Variants in TBCK observed in about 807,000 individuals in gnomAD.
TBCK encodes the protein TBC1 domain containing kinase.
In TBCK, 99 loss-of-function variants were observed where a neutral mutation model predicts 113.4. The ratio of observed to expected loss-of-function variants is 0.87; its 90% CI spans 0.74 to 1.03. The LOEUF (loss-of-function observed/expected upper bound fraction) is 1.03. Ranked by LOEUF, TBCK falls within the 50% of genes least tolerant of loss-of-function variation. The probability of loss-of-function intolerance (pLI) is 0.00; values close to 1 mark genes in which losing one functional copy is unlikely to be tolerated. For synonymous variants in TBCK, 369 were observed against 370.8 expected, an observed-to-expected ratio of 1.00 and a Z score of 0.05; for missense variants, 1,045 against 1,061.3, an observed-to-expected ratio of 0.98 and a Z score of 0.21.
At chr4:106,158,349 C>T (rs116341760) in intron 23 of TBCK, among the ~76,000 whole-genome samples, 2,514 of 152,180 alleles carry the variant, frequency 0.017, 32 homozygotes, top group Middle Eastern at 0.088. Context: ...TCGAGACCAG[C>T]CTGGCCAACA....
intron 23 of TBCK, among the ~76,000 whole-genome samples, chr4:106,151,014 T>A (rs1338957174): frequency 6.6e-6 from 1 of 151,964 alleles, no homozygotes; most frequent in Non-Finnish European, 1.5e-5. Context: ...TTTTTATGTA[T>A]GTATGTTTGC....
intron 1 of TBCK, among the ~76,000 whole-genome samples, chr4:106,313,093 CAAAAT>C (rs1768369452): frequency 1.3e-5 from 2 of 152,064 alleles, no homozygotes; most frequent in Admixed American, 1.3e-4. Context: ...TTATCTCACA[CAAAAT>C]AAAACAGCTT....
At chr4:106,121,836 G>C (rs1744426205) in intron 23 of TBCK, among the ~76,000 whole-genome samples, 1 of 151,918 alleles carries the variant, frequency 6.6e-6, no homozygotes, top group African/African-American at 2.4e-5. Context: ...CGAGAACAAA[G>C]ACACAACATA....
chr4:106,101,739 G>A (rs1429526875), intron 24 of TBCK, among the ~76,000 whole-genome samples: 4 of 152,102 alleles, frequency 2.6e-5, no homozygotes, highest in Non-Finnish European at 4.4e-5. Flanking sequence ...AAGCAAATGA[G>A]TAACATTCCT....
At chr4:106,134,672 G>A (rs1746358169) in intron 23 of TBCK, among the ~76,000 whole-genome samples, 1 of 152,242 alleles carries the variant, frequency 6.6e-6, no homozygotes, top group South Asian at 2.1e-4. Flanking sequence ...CAAGGCAAAT[G>A]TGTAGTTCCC....
intron 23 of TBCK, among the ~76,000 whole-genome samples, chr4:106,129,039 T>C (rs971141644): frequency 6.6e-6 from 1 of 152,228 alleles, no homozygotes; most frequent in African/African-American, 2.4e-5. Context: ...ATTTTGTTCT[T>C]TATTATTTAG....
chr4:106,224,259 G>C (rs1758000546), intron 19 of TBCK, among the ~76,000 whole-genome samples: 1 of 150,960 alleles, frequency 6.6e-6, no homozygotes, highest in Admixed American at 6.6e-5. Flanking sequence ...ATATATTTTA[G>C]AAAAAACTTT....
At chr4:106,237,841 T>G (rs1759643935) in intron 12 of TBCK, among the ~76,000 whole-genome samples, 1 of 152,124 alleles carries the variant, frequency 6.6e-6, no homozygotes, top group Non-Finnish European at 1.5e-5. Context: ...ACATAAATCT[T>G]TTTAAAGATT....
In TBCK at chr4:106,044,279, C is replaced by T. The variant is rs1466393622; in HGVS notation, c.*2291G>A. On this transcript the variant is annotated 3_prime_UTR_variant, in exon 26 of 26. Transcript: ENST00000394708. ...CAATGGTGCATTCTGATTATGAACT[C>T]AGGTAAGTCATCAAAGACTGAAGGA... 2 of 152,108 alleles carry T rather than the reference C, an allele frequency of 1.3e-5. No homozygotes were observed. The highest frequency in any genetic ancestry group is 2.4e-5 in the African/African-American group (1 of 41,408). The allele number at this position is 152,108 out of a possible 1,614,324, so 9.4% of individuals were successfully genotyped here. A position where few individuals can be genotyped will look rare whatever the true frequency, so the allele number is the denominator to read the frequency against.
intron 19 of TBCK, among the ~76,000 whole-genome samples, chr4:106,214,310 C>T (rs1756575387): frequency 1.3e-5 from 2 of 152,190 alleles, no homozygotes; most frequent in South Asian, 2.1e-4. Flanking sequence ...AATCAGAGCG[C>T]CTCTCCTCCT....
intron 3 of TBCK, among the ~76,000 whole-genome samples, chr4:106,290,666 A>AC (rs71300770): frequency 2.6e-5 from 4 of 151,820 alleles, no homozygotes; most frequent in South Asian, 2.1e-4. Context: ...GGGGTTCCCA[A>AC]CCCCCCCACC....
intron 3 of TBCK, among the ~76,000 whole-genome samples, chr4:106,279,779 C>T (rs946891301): frequency 6.6e-6 from 1 of 152,072 alleles, no homozygotes; most frequent in African/African-American, 2.4e-5. Context: ...TTTCTTATGG[C>T]TGAATAGTAC....
intron 3 of TBCK, among the ~76,000 whole-genome samples, chr4:106,284,819 A>G (rs886265464): frequency 3.3e-5 from 5 of 152,264 alleles, no homozygotes; most frequent in Admixed American, 2.6e-4. Context: ...TGATAAAGGT[A>G]TATCTGTTTT....
chr4:106,151,447 A>T (rs1748476012), intron 23 of TBCK, among the ~76,000 whole-genome samples: 1 of 152,022 alleles, frequency 6.6e-6, no homozygotes, highest in African/African-American at 2.4e-5. Context: ...CCCACAAATA[A>T]GTGAGAACAC....
At chr4:106,080,459 T>G (rs939120194) in intron 25 of TBCK, among the ~76,000 whole-genome samples, 1 of 151,794 alleles carries the variant, frequency 6.6e-6, no homozygotes, top group Non-Finnish European at 1.5e-5. Context: ...TGCTGGGACA[T>G]TCTAGCCAAA....
chr4:106,087,276 C>G (rs1354241425), intron 25 of TBCK, among the ~76,000 whole-genome samples: 1 of 152,124 alleles, frequency 6.6e-6, no homozygotes, highest in Non-Finnish European at 1.5e-5. Context: ...ACAAGCATTC[C>G]TTTACACCAA....
intron 25 of TBCK, among the ~76,000 whole-genome samples, chr4:106,089,817 G>T (rs1463584419): frequency 6.6e-6 from 1 of 152,244 alleles, no homozygotes; most frequent in African/African-American, 2.4e-5. Context: ...GGTGTGAGAT[G>T]TAGGCTATGA....
chr4:106,312,778 T>G (rs1308032065), intron 1 of TBCK, among the ~76,000 whole-genome samples: 1 of 152,106 alleles, frequency 6.6e-6, no homozygotes, highest in Non-Finnish European at 1.5e-5. Context: ...TGTCAAAACA[T>G]GGATATACTC....
Position 106,044,796 on chromosome 4 carries a change from C to G in TBCK, c.*1774G>C, listed in dbSNP as rs1578734992. The G allele has an allele frequency of 6.6e-6, 1 of 152,106 alleles. No individual in the cohort carries two copies. The highest frequency in any genetic ancestry group is 1.9e-4 in the East Asian group (1 of 5,200). 9.4% of individuals were successfully genotyped at this position (152,106 alleles called of 1,614,324 possible). ...ATGAATTTTATGGTTAAGTATATCT[C>G]AATTTAAAAAGTAGATGCAAAGAAA... On this transcript the variant is annotated 3_prime_UTR_variant, in exon 26 of 26. Transcript: ENST00000394708.
Sources: allele counts gnomAD v4.1 joint callset (sites outside exome capture counted in the v4.1 genomes callset), GRCh38; gene constraint gnomAD v4.1.1; transcripts MANE v1.5; gene names NCBI Gene and HGNC (gene_info 2026-07-23, HGNC 2026-07-21).